The following GRID2 variants were observed in gnomAD, a reference collection of about 807,000 sequenced individuals.
GRID2 encodes the protein glutamate receptor ionotropic, delta-2.
GRID2 carries 33 observed loss-of-function variants against 114.8 expected under a neutral mutation model. The ratio of observed to expected loss-of-function variants is 0.29; its 90% CI spans 0.22 to 0.38. The LOEUF (loss-of-function observed/expected upper bound fraction) is 0.38. Ranked by LOEUF, GRID2 falls within the 10% of genes least tolerant of loss-of-function variation. The pLI, the probability that GRID2 is intolerant of heterozygous loss-of-function variation, is 1.00. For synonymous variants in GRID2, 505 were observed against 449.9 expected (o/e 1.12, Z -1.55); for missense variants, 1,184 against 1,257.7 (o/e 0.94, Z 0.89).
intron 2 of GRID2, among the ~76,000 whole-genome samples, chr4:92,928,177 T>A (rs1371745613): frequency 1.3e-5 from 2 of 151,722 alleles, no homozygotes; most frequent in African/African-American, 2.4e-5. Flanking sequence ...ACCACCAGTC[T>A]ATTTTATTAT....
At chr4:93,242,006 A>G (rs951639898) in intron 8 of GRID2, among the ~76,000 whole-genome samples, 5 of 151,864 alleles carry the variant, frequency 3.3e-5, no homozygotes, top group Admixed American at 2.0e-4. Context: ...GATTGGATCA[A>G]GAATTAGATG....
intron 2 of GRID2, among the ~76,000 whole-genome samples, chr4:92,775,513 T>C (rs1263816204): frequency 6.6e-6 from 1 of 152,140 alleles, no homozygotes; most frequent in Non-Finnish European, 1.5e-5. Context: ...AAACTAAAAA[T>C]GCAAATTTCA....
chr4:92,710,299 A>G (rs956217176), intron 2 of GRID2, among the ~76,000 whole-genome samples: 2 of 152,194 alleles, frequency 1.3e-5, no homozygotes, highest in African/African-American at 4.8e-5. Context: ...AGTACTAAAT[A>G]AACAATTTTT....
chr4:93,350,335 T>C (rs886438966), intron 8 of GRID2, among the ~76,000 whole-genome samples: 1 of 152,096 alleles, frequency 6.6e-6, no homozygotes, highest in African/African-American at 2.4e-5. Context: ...GAACTTTTAG[T>C]TCCTAGAAGA....
intron 2 of GRID2, among the ~76,000 whole-genome samples, chr4:93,047,607 C>A (rs893981227): frequency 6.6e-6 from 1 of 151,912 alleles, no homozygotes. Flanking sequence ...TATACACATA[C>A]CTCAAAAATC....
chr4:92,832,841 A>T (rs535944822), intron 2 of GRID2, among the ~76,000 whole-genome samples: 1 of 152,134 alleles, frequency 6.6e-6, no homozygotes, highest in South Asian at 2.1e-4. Flanking sequence ...ATTTGCCTGC[A>T]CTTTTTCTCT....
chr4:93,584,131 G>A lies in GRID2; in HGVS notation c.2194-42138G>A, dbSNP rs374717525. Among the ~76,000 whole-genome samples, 44 of 152,192 alleles carry A rather than the reference G, an allele frequency of 2.9e-4. 1 individual carries two copies. In the South Asian group the frequency reaches 8.9e-3, roughly 31 times the overall value. On this transcript the variant is annotated intron_variant, in intron 13 of 15. Coordinates refer to ENST00000282020, the MANE Select transcript of GRID2 (RefSeq NM_001510.4). ...GTTTCTGAGTAAAATATATCTAGAA[G>A]TTCCTTGACTTACTAAATGAATTTA...
At chr4:92,509,287 A>C (rs1579489856) in intron 1 of GRID2, among the ~76,000 whole-genome samples, 1 of 151,916 alleles carries the variant, frequency 6.6e-6, no homozygotes, top group South Asian at 2.1e-4. Context: ...CAGTGAAGGC[A>C]GGGCTCTTGG....
At chr4:92,537,511 T>C (rs1422723607) in intron 1 of GRID2, among the ~76,000 whole-genome samples, 1 of 152,210 alleles carries the variant, frequency 6.6e-6, no homozygotes, top group East Asian at 1.9e-4. Flanking sequence ...TGGCACTTTT[T>C]TGTAATGACT....
chr4:92,729,115 T>C (rs1003725320), intron 2 of GRID2, among the ~76,000 whole-genome samples: 4 of 152,064 alleles, frequency 2.6e-5, no homozygotes, highest in Admixed American at 6.6e-5. Flanking sequence ...CCTAGAGTTA[T>C]TCAAATTCAG....
chr4:93,497,078 G>C (rs1727624949), intron 12 of GRID2, among the ~76,000 whole-genome samples: 1 of 151,454 alleles, frequency 6.6e-6, no homozygotes, highest in Admixed American at 6.6e-5. Context: ...CTTGCTGATA[G>C]GTATGTGGTG....
At chr4:92,306,791 AAATT>A (rs1394462109) in intron 1 of GRID2, among the ~76,000 whole-genome samples, 5 of 152,210 alleles carry the variant, frequency 3.3e-5, no homozygotes, top group African/African-American at 1.2e-4. Context: ...TCACATTTAA[AAATT>A]AACTGTGTAC....
chr4:93,014,237 A>C (rs917522505), intron 2 of GRID2, among the ~76,000 whole-genome samples: 1 of 152,088 alleles, frequency 6.6e-6, no homozygotes, highest in Non-Finnish European at 1.5e-5. Context: ...TGGAAACTGC[A>C]TGCCTGATCA....
intron 2 of GRID2, among the ~76,000 whole-genome samples, chr4:92,674,782 A>G (rs1733260394): frequency 6.6e-6 from 1 of 152,084 alleles, no homozygotes; most frequent in Non-Finnish European, 1.5e-5. Context: ...CGGCCTCCCA[A>G]AGTCCAAAAG....
At chr4:93,507,850 A>G (rs916837967) in intron 12 of GRID2, among the ~76,000 whole-genome samples, 1 of 152,094 alleles carries the variant, frequency 6.6e-6, no homozygotes, top group African/African-American at 2.4e-5. Flanking sequence ...TTTATTTTAC[A>G]TATGTGGCAA....
chr4:92,744,852 T>A (rs565859006), intron 2 of GRID2, among the ~76,000 whole-genome samples: 1 of 152,318 alleles, frequency 6.6e-6, no homozygotes, highest in Non-Finnish European at 1.5e-5. Context: ...TTTCCCTAAC[T>A]GGATTATGAA....
chr4:92,355,212 G>A (rs770282266), intron 1 of GRID2, among the ~76,000 whole-genome samples: 1 of 151,772 alleles, frequency 6.6e-6, no homozygotes, highest in Admixed American at 6.6e-5. Flanking sequence ...GCCACATTAC[G>A]TATGTAGTTT....
At chr4:92,512,383 T>C (rs996534863) in intron 1 of GRID2, among the ~76,000 whole-genome samples, 1 of 151,880 alleles carries the variant, frequency 6.6e-6, no homozygotes, top group Non-Finnish European at 1.5e-5. Context: ...CTCCTTTTAA[T>C]TCTTTTGGAT....
intron 14 of GRID2, among the ~76,000 whole-genome samples, chr4:93,685,269 C>T (rs772366400): frequency 2.6e-5 from 4 of 151,968 alleles, no homozygotes; most frequent in Non-Finnish European, 5.9e-5. Flanking sequence ...AAAACCTTAC[C>T]GATTTTTACT....
Sources: allele counts gnomAD v4.1 joint callset (sites outside exome capture counted in the v4.1 genomes callset), GRCh38; gene constraint gnomAD v4.1.1; transcripts MANE v1.5; gene names NCBI Gene and HGNC (gene_info 2026-07-23, HGNC 2026-07-21).